The following CDKAL1 variants were observed in gnomAD, a reference collection of about 807,000 sequenced individuals.
CDKAL1 encodes threonylcarbamoyladenosine tRNA methylthiotransferase.
Under a neutral mutation model 68.2 loss-of-function variants are expected in CDKAL1, and 32 were observed. That is an observed-to-expected ratio of 0.47 (90% confidence interval 0.35 to 0.63). The LOEUF is 0.63. CDKAL1 is among the 30% of genes least tolerant of loss of function. The pLI is 0.00. For missense variants in CDKAL1, 606 were observed against 696.7 expected (o/e 0.87, Z 1.47); for synonymous variants, 234 against 244.3 (o/e 0.96, Z 0.39).
intron 4 of CDKAL1, among the ~76,000 whole-genome samples, chr6:20,549,710 G>A (rs1243246592): frequency 1.3e-5 from 2 of 151,886 alleles, no homozygotes; most frequent in Non-Finnish European, 1.5e-5. Context: ...AGGTTCAAGC[G>A]ATTCTTCTGC....
chr6:20,543,956 T>A (rs1763487028), intron 2 of CDKAL1, among the ~76,000 whole-genome samples: 1 of 151,960 alleles, frequency 6.6e-6, no homozygotes, highest in African/African-American at 2.4e-5. Context: ...CAGGCTGTTC[T>A]TGAACTCCTG....
At chr6:20,974,978 C>CAAAAAAAAAAAAA (rs11330322) in intron 10 of CDKAL1, among the ~76,000 whole-genome samples, 3 of 62,932 alleles carry the variant, frequency 4.8e-5, no homozygotes, top group African/African-American at 6.4e-5. Flanking sequence ...GACCCTATCT[C>CAAAAAAAAAAAAA]AAAAAAAAAA....
chr6:21,139,845 T>G (rs1582282386), intron 13 of CDKAL1, among the ~76,000 whole-genome samples: 1 of 152,158 alleles, frequency 6.6e-6, no homozygotes, highest in African/African-American at 2.4e-5. Context: ...TTTTAGAAAA[T>G]ATCTGAAAGC....
At chr6:21,213,112 G>A (rs1275898128) in intron 15 of CDKAL1, among the ~76,000 whole-genome samples, 2 of 152,100 alleles carry the variant, frequency 1.3e-5, no homozygotes, top group African/African-American at 2.4e-5. Flanking sequence ...CGCACATCAG[G>A]TCAGACCGTG....
chr6:20,651,633 C>T (rs1275857374), intron 5 of CDKAL1, among the ~76,000 whole-genome samples: 7 of 151,898 alleles, frequency 4.6e-5, no homozygotes, highest in East Asian at 1.9e-4. Flanking sequence ...GTCTTGTGCC[C>T]GTTTTCAAAG....
chr6:20,919,036 G>A (rs935355973), intron 9 of CDKAL1, among the ~76,000 whole-genome samples: 1 of 152,170 alleles, frequency 6.6e-6, no homozygotes, highest in African/African-American at 2.4e-5. Context: ...GTGGTTTTCC[G>A]TGAGAACTCA....
chr6:21,169,623 C>T (rs955699519), intron 13 of CDKAL1, among the ~76,000 whole-genome samples: 5 of 151,982 alleles, frequency 3.3e-5, no homozygotes, highest in Admixed American at 1.3e-4. Context: ...GGTGACAGAG[C>T]GAGACTCTGT....
At chr6:21,185,222 A>G (rs1249373096) in intron 13 of CDKAL1, among the ~76,000 whole-genome samples, 2 of 142,996 alleles carry the variant, frequency 1.4e-5, no homozygotes, top group Non-Finnish European at 3.2e-5. Context: ...AGGAGAGGCC[A>G]TTAAAAAAAA....
intron 4 of CDKAL1, among the ~76,000 whole-genome samples, chr6:20,575,441 C>CAAA (rs57442477): frequency 0.014 from 1,308 of 90,986 alleles, no homozygotes; most frequent in East Asian, 0.019. Context: ...AGGGGCACCA[C>CAAA]AAAAAAAAAA....
chr6:20,585,208 C>T (rs936628425), intron 4 of CDKAL1, among the ~76,000 whole-genome samples: 2 of 152,114 alleles, frequency 1.3e-5, no homozygotes, highest in Admixed American at 6.5e-5. Flanking sequence ...AGGCGCCCAC[C>T]ACCATGCTAA....
chr6:20,705,435 G>A (rs1381493511), intron 5 of CDKAL1, among the ~76,000 whole-genome samples: 8 of 152,180 alleles, frequency 5.3e-5, no homozygotes, highest in Non-Finnish European at 1.2e-4. Context: ...ATAAAGAACA[G>A]CATCAATCAC....
intron 4 of CDKAL1, among the ~76,000 whole-genome samples, chr6:20,608,711 C>G (rs1766443562): frequency 1.3e-5 from 2 of 152,202 alleles, no homozygotes; most frequent in African/African-American, 4.8e-5. Context: ...GTAGTGCTAC[C>G]TTGGGGAACC....
intron 4 of CDKAL1, among the ~76,000 whole-genome samples, chr6:20,638,767 G>A (rs538779234): frequency 7.8e-4 from 89 of 114,090 alleles, no homozygotes; most frequent in South Asian, 4.2e-3. Context: ...ATAAGTATCT[G>A]GGATTACAAA....
At chr6:20,740,342 C>T (rs1309759183) in intron 6 of CDKAL1, among the ~76,000 whole-genome samples, 1 of 152,022 alleles carries the variant, frequency 6.6e-6, no homozygotes, top group Non-Finnish European at 1.5e-5. Context: ...GGGGCGTGGG[C>T]AGTCAGCTCT....
intron 4 of CDKAL1, among the ~76,000 whole-genome samples, chr6:20,584,466 C>T (rs1174381215): frequency 6.6e-6 from 1 of 152,136 alleles, no homozygotes; most frequent in Non-Finnish European, 1.5e-5. Flanking sequence ...TGGAAATGCA[C>T]ACAACCCTCC....
intron 12 of CDKAL1, among the ~76,000 whole-genome samples, chr6:21,070,072 G>A (rs911684818): frequency 7.2e-5 from 11 of 152,004 alleles, no homozygotes; most frequent in Non-Finnish European, 1.5e-4. Flanking sequence ...TTACAGGCAT[G>A]AGCCAGGTCC....
chr6:20,612,414 T>A (rs1488678139), intron 4 of CDKAL1, among the ~76,000 whole-genome samples: 1 of 151,588 alleles, frequency 6.6e-6, no homozygotes, highest in Non-Finnish European at 1.5e-5. Context: ...TATAAGCACC[T>A]GTTATTTTTT....
At chr6:21,072,306 G>A (rs997473362) in intron 12 of CDKAL1, among the ~76,000 whole-genome samples, 9 of 152,132 alleles carry the variant, frequency 5.9e-5, no homozygotes, top group Admixed American at 2.0e-4. Flanking sequence ...CCACGGGCTT[G>A]TCTTCTTTCT....
intron 15 of CDKAL1, among the ~76,000 whole-genome samples, chr6:21,220,520 A>T (rs1206808982): frequency 1.3e-5 from 2 of 152,230 alleles, no homozygotes; most frequent in East Asian, 3.8e-4. Context: ...GAAGTTATGT[A>T]TAAACAAATG....
Sources: gnomAD v4.1 joint callset for allele counts (sites outside exome capture counted in the v4.1 genomes callset) on GRCh38, gnomAD v4.1.1 for gene constraint, MANE v1.5 for transcripts, NCBI Gene and HGNC (gene_info 2026-07-23, HGNC 2026-07-21) for gene names.